Variants in ENPP6 observed in about 807,000 individuals in gnomAD.
ENPP6 encodes the protein glycerophosphocholine cholinephosphodiesterase ENPP6.
ENPP6 carries 32 observed loss-of-function variants against 42.0 expected under a neutral mutation model. That is an observed-to-expected ratio of 0.76 (90% CI 0.58 to 1.02). The LOEUF (loss-of-function observed/expected upper bound fraction) is 1.02. Among genes scored for constraint, ENPP6 ranks in the 50% least tolerant of loss-of-function variants. ENPP6 has a pLI of 0.00. For missense variants in ENPP6, 552 were observed against 566.8 expected (o/e 0.97, Z 0.27); for synonymous variants, 213 against 216.0 (o/e 0.99, Z 0.12).
chr4:184,115,144 T>C (rs886269905), intron 5 of ENPP6, among the ~76,000 whole-genome samples: 1 of 152,234 alleles, frequency 6.6e-6, no homozygotes, highest in African/African-American at 2.4e-5. Flanking sequence ...TGCTTCATCC[T>C]TACTAATGAC....
chr4:184,187,775 T>C (rs1376717297), intron 1 of ENPP6, among the ~76,000 whole-genome samples: 2 of 152,226 alleles, frequency 1.3e-5, no homozygotes, highest in African/African-American at 4.8e-5. Context: ...GGTAGAAACT[T>C]TGCCCTGTTT....
chr4:184,097,512 C>T (rs1421960203), intron 6 of ENPP6, 144 bp from the exon 7 acceptor site: 2 of 1,208,512 alleles, frequency 1.7e-6, no homozygotes, highest in African/African-American at 1.5e-5. Flanking sequence ...TCCGCTGCGG[C>T]ACTTCCTGCT....
intron 6 of ENPP6, 34 bp from the exon 7 acceptor site, chr4:184,097,402 G>T: frequency 6.2e-7 from 1 of 1,611,490 alleles, no homozygotes. Context: ...ATGACACTAC[G>T]TCCTGACCGT....
intron 2 of ENPP6, among the ~76,000 whole-genome samples, chr4:184,125,939 G>C (rs989017214): frequency 1.3e-5 from 2 of 152,104 alleles, no homozygotes; most frequent in African/African-American, 4.8e-5. Context: ...CTCTCTCAAA[G>C]CTATTTTTTC....
chr4:184,113,066 G>A (rs1304519821), intron 5 of ENPP6, among the ~76,000 whole-genome samples: 1 of 152,276 alleles, frequency 6.6e-6, no homozygotes, highest in East Asian at 1.9e-4. Flanking sequence ...AATCCCTCAA[G>A]CCTGTGCACC....
intron 1 of ENPP6, among the ~76,000 whole-genome samples, chr4:184,211,171 A>G (rs1208553670): frequency 1.3e-5 from 2 of 151,628 alleles, no homozygotes; most frequent in East Asian, 3.9e-4. Context: ...CATCACAATT[A>G]AAAGAACTAG....
chr4:184,116,441 A>G (rs1229502219), intron 5 of ENPP6, among the ~76,000 whole-genome samples: 1 of 152,038 alleles, frequency 6.6e-6, no homozygotes, highest in African/African-American at 2.4e-5. Context: ...CAGTATTAAA[A>G]CTACAAGGAA....
intron 1 of ENPP6, among the ~76,000 whole-genome samples, chr4:184,179,055 G>A (rs572670409): frequency 4.7e-4 from 71 of 152,212 alleles, no homozygotes; most frequent in Non-Finnish European, 8.4e-4. Flanking sequence ...TGGGATAAAC[G>A]TCCCAATTAA....
At chr4:184,203,156 C>T (rs1217818976) in intron 1 of ENPP6, among the ~76,000 whole-genome samples, 4 of 151,966 alleles carry the variant, frequency 2.6e-5, no homozygotes, top group South Asian at 2.1e-4. Context: ...GAGGCTGAGG[C>T]AGGAGAATCG....
intron 1 of ENPP6, among the ~76,000 whole-genome samples, chr4:184,162,131 C>T (rs1332430404): frequency 3.9e-5 from 6 of 152,202 alleles, no homozygotes; most frequent in Non-Finnish European, 8.8e-5. Flanking sequence ...AGGACCCAGC[C>T]TGCGCATCTC....
intron 1 of ENPP6, among the ~76,000 whole-genome samples, chr4:184,176,263 G>A (rs184912399): frequency 7.2e-5 from 11 of 152,300 alleles, no homozygotes; most frequent in South Asian, 2.1e-4. Context: ...CGTCTTCATC[G>A]TTACAGCTAA....
intron 2 of ENPP6, among the ~76,000 whole-genome samples, chr4:184,137,395 C>A (rs1028211593): frequency 2.6e-5 from 4 of 152,236 alleles, no homozygotes; most frequent in African/African-American, 9.6e-5. Flanking sequence ...CTGTGCCCGG[C>A]CTATAGTGGT....
intron 1 of ENPP6, among the ~76,000 whole-genome samples, chr4:184,197,465 G>A (rs144832857): frequency 5.0e-4 from 76 of 152,340 alleles, no homozygotes; most frequent in African/African-American, 1.8e-3. Context: ...GAGAGGGGCT[G>A]GAAGAGAATG....
rs530808174 is a variant in ENPP6, at chr4:184,158,362, C to G, written c.242-4629G>C. Among the ~76,000 whole-genome samples, 6 of 152,130 alleles carry G rather than the reference C, an allele frequency of 3.9e-5. No individual in the cohort carries two copies. In the East Asian group the frequency reaches 1.2e-3, roughly 29 times the overall value. On this transcript the variant is annotated intron_variant, in intron 1 of 7. Transcript: ENST00000296741. ...TGGCAGTGTCGAACCACAAAAATGGCTGTGCAAGCCAAAACCATGAAAAGC... is the reference window on the plus strand; with the variant it reads ...TGGCAGTGTCGAACCACAAAAATGGGTGTGCAAGCCAAAACCATGAAAAGC...
intron 1 of ENPP6, among the ~76,000 whole-genome samples, chr4:184,164,046 C>T (rs1182574671): frequency 6.6e-6 from 1 of 152,152 alleles, no homozygotes; most frequent in African/African-American, 2.4e-5. Context: ...AGCACAGGGA[C>T]CTGGGCTGTG....
chr4:184,170,605 T>C (rs763840486), intron 1 of ENPP6, among the ~76,000 whole-genome samples: 1 of 152,242 alleles, frequency 6.6e-6, no homozygotes, highest in Non-Finnish European at 1.5e-5. Flanking sequence ...TCCCATATTC[T>C]GGATTAGGCT....
intron 7 of ENPP6, among the ~76,000 whole-genome samples, chr4:184,095,203 T>C (rs1457487784): frequency 6.6e-6 from 1 of 152,220 alleles, no homozygotes; most frequent in Non-Finnish European, 1.5e-5. Context: ...CATCTATCTG[T>C]CTGTAAAAGA....
chr4:184,097,178 G>A (rs2111328866), intron 7 of ENPP6, 67 bp downstream of exon 7: 2 of 1,598,336 alleles, frequency 1.3e-6, no homozygotes, highest in Non-Finnish European at 8.5e-7. Context: ...CCTGGCACCC[G>A]TAGCCCCCCT....
At chr4:184,188,674 T>C (rs1249990230) in intron 1 of ENPP6, among the ~76,000 whole-genome samples, 2 of 152,100 alleles carry the variant, frequency 1.3e-5, no homozygotes, top group Non-Finnish European at 2.9e-5. Context: ...ATGAACAGTT[T>C]AGCTGGAGAG....
Sources: gnomAD v4.1 joint callset for allele counts (sites outside exome capture counted in the v4.1 genomes callset) on GRCh38, gnomAD v4.1.1 for gene constraint, MANE v1.5 for transcripts, NCBI Gene and HGNC (gene_info 2026-07-23, HGNC 2026-07-21) for gene names.